Variants in FRS2 observed in about 807,000 individuals in gnomAD.
The protein encoded by FRS2 is fibroblast growth factor receptor substrate 2.
In FRS2, 8 loss-of-function variants were observed where a neutral mutation model predicts 43.9. That is an observed-to-expected ratio of 0.18 (90% confidence interval 0.11 to 0.33). The LOEUF is 0.33. Ranked by LOEUF, FRS2 falls within the 10% of genes least tolerant of loss-of-function variation. FRS2 has a pLI of 1.00. For missense variants in FRS2, 534 were observed against 627.6 expected (o/e 0.85, Z 1.59); for synonymous variants, 219 against 220.3 (o/e 0.99, Z 0.05).
rs148001037 is a variant in FRS2, at chr12:69,559,046, C to T, written c.-121-3134C>T. On this transcript the variant is annotated intron_variant, in intron 3 of 8. Transcript: ENST00000549921. ...CCACTTTAGGCTGGGCAAAGTGGCT[C>T]ACACCTGTAATCCCAGCACTTTGGG... Among the ~76,000 whole-genome samples, 85 of 152,274 alleles carry T rather than the reference C, an allele frequency of 5.6e-4. 1 individual carries two copies. The highest frequency in any genetic ancestry group is 3.4e-3 in the Middle Eastern group (1 of 294).
chr12:69,545,583 C>T (rs1380189858), intron 3 of FRS2, among the ~76,000 whole-genome samples: 1 of 151,890 alleles, frequency 6.6e-6, no homozygotes, highest in Non-Finnish European at 1.5e-5. Flanking sequence ...TGTTGAAACC[C>T]TGTCTCTACT....
intron 1 of FRS2, among the ~76,000 whole-genome samples, chr12:69,530,238 C>T (rs1278522079): frequency 6.6e-6 from 1 of 150,794 alleles, no homozygotes; most frequent in East Asian, 1.9e-4. Context: ...TTGTTGTATT[C>T]AGAATGTACT....
At chr12:69,522,400 G>A (rs368551793) in intron 1 of FRS2, among the ~76,000 whole-genome samples, 12 of 152,012 alleles carry the variant, frequency 7.9e-5, no homozygotes, top group East Asian at 5.8e-4. Context: ...AGAGGTGTTC[G>A]TAGTAGTCTG....
At chr12:69,538,463 T>C (rs573492796) in intron 3 of FRS2, among the ~76,000 whole-genome samples, 1 of 152,126 alleles carries the variant, frequency 6.6e-6, no homozygotes, top group South Asian at 2.1e-4. Context: ...TGCCTTTTTA[T>C]ATGTTTAAGC....
At chr12:69,573,452 T>C (rs907959799) in intron 8 of FRS2, among the ~76,000 whole-genome samples, 1 of 152,192 alleles carries the variant, frequency 6.6e-6, no homozygotes, top group African/African-American at 2.4e-5. Flanking sequence ...TCAAATATAA[T>C]GTTGCATGTT....
chr12:69,489,726 C>T (rs1402663638), intron 1 of FRS2, among the ~76,000 whole-genome samples: 1 of 149,384 alleles, frequency 6.7e-6, no homozygotes, highest in African/African-American at 2.5e-5. Context: ...TCCTTTTTCT[C>T]TGTAATTGTC....
chr12:69,549,517 A>G (rs1277990593), intron 3 of FRS2, among the ~76,000 whole-genome samples: 1 of 152,222 alleles, frequency 6.6e-6, no homozygotes, highest in Admixed American at 6.5e-5. Context: ...TAGAGACAAC[A>G]TCACACTTCT....
intron 1 of FRS2, among the ~76,000 whole-genome samples, chr12:69,522,263 G>GATGC (rs1468906121): frequency 6.7e-6 from 1 of 149,834 alleles, no homozygotes; most frequent in East Asian, 2.0e-4. Context: ...GTATCAGGAT[G>GATGC]ATGCTCACCT....
intron 1 of FRS2, among the ~76,000 whole-genome samples, chr12:69,502,171 G>T (rs1740437899): frequency 6.6e-6 from 1 of 151,932 alleles, no homozygotes; most frequent in African/African-American, 2.4e-5. Context: ...TTACCGTGTT[G>T]GCCAGGCTGG....
chr12:69,557,626 G>GCA lies in FRS2; in HGVS notation c.-121-4553_-121-4552insAC, dbSNP rs1171353713. Among the ~76,000 whole-genome samples, 23 of 142,350 alleles carry GCA rather than the reference G, an allele frequency of 1.6e-4. No individual in the cohort carries two copies. The East Asian group carries it at 2.7e-3, about 17-fold the overall frequency. The allele number at this position is 142,350 out of a possible 152,430, so 93.4% of individuals were successfully genotyped here. On this transcript the variant is annotated intron_variant, in intron 3 of 8. Coordinates refer to ENST00000549921, the MANE Select transcript of FRS2 (RefSeq NM_001278356.2). ...TGTGTGTGTGTGTGTGTGTGCGCGC[G>GCA]CGCGCGCGCGCAGGTGCATGCACGC...
chr12:69,555,234 G>C (rs1156872217), intron 3 of FRS2, among the ~76,000 whole-genome samples: 1 of 151,504 alleles, frequency 6.6e-6, no homozygotes, highest in Non-Finnish European at 1.5e-5. Flanking sequence ...TAGTAGAGAT[G>C]GGGGTTTCAT....
rs1023666709 is a variant in FRS2, at chr12:69,579,756, A to G, written c.*4801A>G. ...TATTGCTGAAAGTAGATTGCAATAAAACCCCAATAAAACGTTTGGTCGGAT... is the reference window on the plus strand; with the variant it reads ...TATTGCTGAAAGTAGATTGCAATAAGACCCCAATAAAACGTTTGGTCGGAT... On this transcript the variant is annotated 3_prime_UTR_variant, in exon 9 of 9. Transcript: ENST00000549921. 3.2e-4 allele frequency: 49 copies of G among 152,254 alleles called. No individual in the cohort carries two copies. Among genetic ancestry groups the G allele is most frequent in the Non-Finnish European group, 5.4e-4 (37 of 68,044 alleles). The allele number at this position is 152,254 out of a possible 1,614,324, so 9.4% of individuals were successfully genotyped here.
intron 3 of FRS2, among the ~76,000 whole-genome samples, chr12:69,555,866 T>C (rs1593046919): frequency 2.0e-5 from 3 of 152,214 alleles, no homozygotes; most frequent in African/African-American, 7.2e-5. Context: ...CAAATTTAGT[T>C]TTCTTTGAGA....
Position 69,574,592 on chromosome 12 carries a change from A to G in FRS2, c.1164A>G (p.Pro388=), listed in dbSNP as rs756403029. The change falls in exon 9 of 9, where the codon CCA becomes CCG. Residue 388 remains proline (P), a synonymous_variant. Coordinates refer to ENST00000549921, the MANE Select transcript of FRS2 (RefSeq NM_001278356.2). ...ATGGCTACCATAATAATCTAGATCC[A>G]ATGCATAACTATGTAAATACAGAGA... is the stretch of plus-strand genomic sequence containing the variant. ...SLNGYHNNLD[P]MHNYVNTENV... is the part of the protein sequence containing the mutation. The G allele has an allele frequency of 6.2e-7, 1 of 1,614,026 alleles. No homozygotes were observed. The highest frequency in any genetic ancestry group is 8.5e-7 in the Non-Finnish European group (1 of 1,179,842).
chr12:69,488,682 A>G (rs914861153), intron 1 of FRS2, among the ~76,000 whole-genome samples: 3 of 152,196 alleles, frequency 2.0e-5, no homozygotes, highest in Non-Finnish European at 4.4e-5. Flanking sequence ...ACCTAATTCC[A>G]TAATAACTTT....
chr12:69,527,965 C>G (rs1469331808), intron 1 of FRS2, among the ~76,000 whole-genome samples: 2 of 152,138 alleles, frequency 1.3e-5, no homozygotes, highest in African/African-American at 4.8e-5. Flanking sequence ...AGACACATAA[C>G]AAATGCTTTA....
Position 69,570,418 on chromosome 12 carries a change from C to T in FRS2, c.154C>T (p.Arg52Cys), listed in dbSNP as rs776444885. 4.3e-6 allele frequency: 7 copies of T among 1,612,084 alleles called. No homozygotes were observed. The highest frequency in any genetic ancestry group is 2.2e-5 in the East Asian group (1 of 44,882). The change falls in exon 6 of 9, where the codon CGT (arginine) becomes TGT (cysteine). Residue 52 changes from arginine to cysteine, a missense_variant. Transcript: ENST00000549921. ...DTELILYTRKRDSVKWHYLCL... is the reference protein window; with the variant it reads ...DTELILYTRKCDSVKWHYLCL... ...AGAACTGATTTTATACACCCGCAAA[C>T]GTGACTCAGTAAAATGGCACTACCT... is the stretch of plus-strand genomic sequence containing the variant.
intron 1 of FRS2, among the ~76,000 whole-genome samples, chr12:69,476,142 A>G (rs948367017): frequency 1.3e-5 from 2 of 152,162 alleles, no homozygotes; most frequent in South Asian, 2.1e-4. Flanking sequence ...ATATTTATGC[A>G]TATTAAAGAA....
intron 3 of FRS2, among the ~76,000 whole-genome samples, chr12:69,556,086 A>AGAT (rs1215433876): frequency 1.3e-5 from 2 of 151,806 alleles, no homozygotes; most frequent in East Asian, 1.9e-4. Flanking sequence ...AAAAAATTAG[A>AGAT]GATGATGTCC....
Sources: allele counts gnomAD v4.1 joint callset (sites outside exome capture counted in the v4.1 genomes callset), GRCh38; gene constraint gnomAD v4.1.1; transcripts MANE v1.5; gene names NCBI Gene and HGNC (gene_info 2026-07-23, HGNC 2026-07-21).